PTPRT: variants seen among roughly 807,000 people sequenced by gnomAD.
PTPRT encodes receptor-type tyrosine-protein phosphatase T.
In PTPRT, 56 loss-of-function variants were observed where a neutral mutation model predicts 176.8. That is an observed-to-expected ratio of 0.32 (90% CI 0.26 to 0.40). The LOEUF (loss-of-function observed/expected upper bound fraction) is 0.40, where lower values mean the gene tolerates loss of function less well. Among genes scored for constraint, PTPRT ranks in the 10% least tolerant of loss-of-function variants. The probability of loss-of-function intolerance (pLI) is 1.00; values close to 1 mark genes in which losing one functional copy is unlikely to be tolerated. For synonymous variants in PTPRT, 783 were observed against 739.0 expected (o/e 1.06, Z -0.96); for missense variants, 1,540 against 1,908.2 (o/e 0.81, Z 3.60).
intron 1 of PTPRT, among the ~76,000 whole-genome samples, chr20:42,946,873 G>C (rs1980912600): frequency 6.6e-6 from 1 of 152,070 alleles, no homozygotes; most frequent in African/African-American, 2.4e-5. Flanking sequence ...AGAATTTTTA[G>C]CAACATCCCT....
chr20:42,169,774 AC>A (rs1207614448), intron 16 of PTPRT, among the ~76,000 whole-genome samples: 1 of 144,260 alleles, frequency 6.9e-6, no homozygotes, highest in Non-Finnish European at 1.5e-5. Context: ...ACACACACAC[AC>A]ACACACACAC....
chr20:42,217,557 A>C (rs1395168925), intron 15 of PTPRT, among the ~76,000 whole-genome samples: 1 of 152,188 alleles, frequency 6.6e-6, no homozygotes, highest in African/African-American at 2.4e-5. Flanking sequence ...ATATACATGT[A>C]TCATGTAGGT....
intron 7 of PTPRT, among the ~76,000 whole-genome samples, chr20:42,490,213 T>C (rs1347817821): frequency 6.6e-6 from 1 of 152,180 alleles, no homozygotes; most frequent in East Asian, 1.9e-4. Context: ...AGTTGACTAC[T>C]ATGATTTTTC....
chr20:43,128,752 A>C (rs2013540826), intron 1 of PTPRT, among the ~76,000 whole-genome samples: 2 of 152,166 alleles, frequency 1.3e-5, no homozygotes, highest in East Asian at 3.9e-4. Context: ...AAAGACAACA[A>C]AAAATCAGAC....
At chr20:43,165,520 C>G (rs1411040536) in intron 1 of PTPRT, among the ~76,000 whole-genome samples, 2 of 152,146 alleles carry the variant, frequency 1.3e-5, no homozygotes, top group African/African-American at 4.8e-5. Context: ...ATCCCTTTCA[C>G]CTTCTGCCAT....
chr20:42,545,635 A>C (rs1488340337), intron 7 of PTPRT, among the ~76,000 whole-genome samples: 1 of 152,194 alleles, frequency 6.6e-6, no homozygotes, highest in Non-Finnish European at 1.5e-5. Context: ...TGTTTAATAA[A>C]AGAGAACCAA....
At chr20:42,041,650 G>C in the PTPRT span, among the ~76,000 whole-genome samples, 1 of 152,162 alleles carries the variant, frequency 6.6e-6, no homozygotes, top group Non-Finnish European at 1.5e-5. Context: ...ATTGCAGGCT[G>C]TGCAACCTTG....
At chr20:42,458,333 T>C (rs1204668922) in intron 8 of PTPRT, among the ~76,000 whole-genome samples, 1 of 152,194 alleles carries the variant, frequency 6.6e-6, no homozygotes, top group Non-Finnish European at 1.5e-5. Flanking sequence ...TAAACAATGA[T>C]CAAGGGTTGA....
chr20:42,163,681 G>A (rs77687015), intron 16 of PTPRT, among the ~76,000 whole-genome samples: 1,779 of 152,330 alleles, frequency 0.012, 31 homozygotes, highest in African/African-American at 0.041. Flanking sequence ...GACAGAGCCT[G>A]AGAGATGAAG....
intron 1 of PTPRT, among the ~76,000 whole-genome samples, chr20:42,906,446 C>T (rs1481077358): frequency 6.6e-6 from 1 of 152,184 alleles, no homozygotes; most frequent in Admixed American, 6.5e-5. Flanking sequence ...TTTCTCCAAG[C>T]CCACATGTGA....
chr20:42,694,042 T>A (rs1014000749), intron 6 of PTPRT, among the ~76,000 whole-genome samples: 1 of 92,218 alleles, frequency 1.1e-5, no homozygotes, highest in Admixed American at 1.2e-4. Context: ...TTTATTTTCT[T>A]TTTTTTTTTT....
At chr20:42,193,112 C>T (rs988394210) in intron 16 of PTPRT, among the ~76,000 whole-genome samples, 4 of 152,194 alleles carry the variant, frequency 2.6e-5, no homozygotes, top group Admixed American at 2.6e-4. Context: ...GGGTCCAGGG[C>T]CCATTATCTA....
intron 1 of PTPRT, among the ~76,000 whole-genome samples, chr20:42,978,501 T>A (rs575649994): frequency 2.6e-5 from 4 of 152,312 alleles, no homozygotes; most frequent in African/African-American, 9.6e-5. Flanking sequence ...TATCACTTTA[T>A]CACCACCAAT....
At chr20:42,211,191 C>T (rs1211365969) in intron 15 of PTPRT, among the ~76,000 whole-genome samples, 1 of 152,102 alleles carries the variant, frequency 6.6e-6, no homozygotes, top group Non-Finnish European at 1.5e-5. Context: ...ACCATAAAAA[C>T]CCTAGAAGGA....
At chr20:42,206,261 A>G (rs1034967342) in intron 15 of PTPRT, among the ~76,000 whole-genome samples, 4 of 152,216 alleles carry the variant, frequency 2.6e-5, no homozygotes, top group Non-Finnish European at 4.4e-5. Context: ...AAGAATCAAT[A>G]GTGTAGCAGG....
chr20:42,157,534 A>C (rs952697962), intron 17 of PTPRT, among the ~76,000 whole-genome samples: 2 of 151,740 alleles, frequency 1.3e-5, no homozygotes, highest in African/African-American at 4.8e-5. Context: ...GTAGTAGAGA[A>C]GGGGTTTCAC....
At chr20:42,223,436 C>T (rs1758729576) in intron 15 of PTPRT, among the ~76,000 whole-genome samples, 1 of 152,186 alleles carries the variant, frequency 6.6e-6, no homozygotes, top group Non-Finnish European at 1.5e-5. Flanking sequence ...CTTTTCGCTA[C>T]AATGCTGCTT....
At chr20:43,165,142 G>A (rs1448372534) in intron 1 of PTPRT, among the ~76,000 whole-genome samples, 2 of 150,902 alleles carry the variant, frequency 1.3e-5, no homozygotes, top group African/African-American at 4.9e-5. Context: ...AGAGAGGCCA[G>A]TTCATCTGCA....
At chr20:42,164,947 CA>C (rs1311803373) in intron 16 of PTPRT, among the ~76,000 whole-genome samples, 2 of 152,094 alleles carry the variant, frequency 1.3e-5, no homozygotes, top group African/African-American at 4.8e-5. Context: ...ATTTATCGTG[CA>C]ATAATATTTT....
Sources: allele counts gnomAD v4.1 joint callset (sites outside exome capture counted in the v4.1 genomes callset), GRCh38; gene constraint gnomAD v4.1.1; transcripts MANE v1.5; gene names NCBI Gene and HGNC (gene_info 2026-07-23, HGNC 2026-07-21).